Variants in SLC44A5 observed in about 807,000 individuals in gnomAD.
The protein encoded by SLC44A5 is choline transporter-like protein 5.
In SLC44A5, 57 loss-of-function variants were observed where a neutral mutation model predicts 101.8. That is an observed-to-expected ratio of 0.56 (90% CI 0.45 to 0.70). The LOEUF is 0.70. Ranked by LOEUF, SLC44A5 falls within the 30% of genes least tolerant of loss-of-function variation. The probability of loss-of-function intolerance (pLI) is 0.00; values close to 1 mark genes in which losing one functional copy is unlikely to be tolerated. For missense variants in SLC44A5, 737 were observed against 853.1 expected (o/e 0.86, Z 1.70); for synonymous variants, 281 against 290.9 (o/e 0.97, Z 0.35).
intron 6 of SLC44A5, among the ~76,000 whole-genome samples, chr1:75,273,941 G>A (rs1570538101): frequency 6.6e-6 from 1 of 152,122 alleles, no homozygotes; most frequent in East Asian, 1.9e-4. Context: ...AATAGTTTTA[G>A]TAGGATCGGT....
rs1167717257 is a variant in SLC44A5, at chr1:75,202,904, G to T, written c.*823C>A. The T allele has an allele frequency of 6.6e-6, 1 of 151,882 alleles. No homozygotes were observed. The highest frequency in any genetic ancestry group is 1.5e-5 in the Non-Finnish European group (1 of 67,952). The allele number at this position is 151,882 out of a possible 1,614,324, so 9.4% of individuals were successfully genotyped here. A position where few individuals can be genotyped will look rare whatever the true frequency, so the allele number is the denominator to read the frequency against. On this transcript the variant is annotated 3_prime_UTR_variant, in exon 24 of 24. Coordinates refer to ENST00000370859, the MANE Select transcript of SLC44A5 (RefSeq NM_001130058.2). ...TCCAACAAGTGTTCTTTCGGGGTTT[G>T]TTTCTTCTTGCGTGTAGTACACATT...
At chr1:75,383,706 C>T (rs1172018588) in intron 3 of SLC44A5, among the ~76,000 whole-genome samples, 7 of 152,166 alleles carry the variant, frequency 4.6e-5, no homozygotes, top group African/African-American at 1.2e-4. Context: ...ATACGGAGAA[C>T]GCCACAGAGA....
At chr1:75,251,629 GTTACTA>G (rs1447663027) in intron 6 of SLC44A5, among the ~76,000 whole-genome samples, 2 of 151,972 alleles carry the variant, frequency 1.3e-5, no homozygotes, top group Non-Finnish European at 2.9e-5. Flanking sequence ...TAGGAAGCAG[GTTACTA>G]AAGAGTATTA....
At chr1:75,423,620 A>G (rs1327029938) in intron 2 of SLC44A5, among the ~76,000 whole-genome samples, 1 of 152,252 alleles carries the variant, frequency 6.6e-6, no homozygotes, top group Non-Finnish European at 1.5e-5. Context: ...AATGTTTGCT[A>G]CGTTAATATG....
At chr1:75,208,159 T>C (rs1455948365) in intron 23 of SLC44A5, among the ~76,000 whole-genome samples, 4 of 152,092 alleles carry the variant, frequency 2.6e-5, no homozygotes, top group Admixed American at 2.0e-4. Context: ...AAATCTTCGG[T>C]TTTTTGTTTG....
At chr1:75,626,651 T>G in the SLC44A5 span, among the ~76,000 whole-genome samples, 1 of 152,162 alleles carries the variant, frequency 6.6e-6, no homozygotes, top group East Asian at 1.9e-4. Context: ...ATTGCTTCCC[T>G]GGGCTTATTT....
chr1:75,219,704 C>A, intron 15 of SLC44A5, 96 bp downstream of exon 15: 1 of 761,114 alleles, frequency 1.3e-6, no homozygotes, highest in South Asian at 1.7e-5. Context: ...GTACATTCCT[C>A]ATCTTCCCAG....
intron 1 of SLC44A5, among the ~76,000 whole-genome samples, chr1:75,548,539 G>T (rs756106675): frequency 6.6e-6 from 1 of 151,928 alleles, no homozygotes; most frequent in Non-Finnish European, 1.5e-5. Context: ...CCAAATATGC[G>T]GTTTTCCCAA....
At chr1:75,471,261 G>C (rs1042743355) in intron 2 of SLC44A5, among the ~76,000 whole-genome samples, 2 of 152,016 alleles carry the variant, frequency 1.3e-5, no homozygotes, top group Non-Finnish European at 2.9e-5. Context: ...CTGCCTTGAA[G>C]GGAATCCCCA....
chr1:75,641,676 A>C, the SLC44A5 span: 1 of 1,505,866 alleles, frequency 6.6e-7, no homozygotes, highest in South Asian at 1.1e-5. Context: ...AGAATACTAT[A>C]TACCTCTCTC....
At chr1:75,487,345 T>A (rs1432397000) in intron 2 of SLC44A5, among the ~76,000 whole-genome samples, 1 of 152,150 alleles carries the variant, frequency 6.6e-6, no homozygotes, top group Non-Finnish European at 1.5e-5. Flanking sequence ...AAACCTGATA[T>A]ATAAAATGAA....
At chr1:75,721,110 G>A in the SLC44A5 span, among the ~76,000 whole-genome samples, 1 of 152,180 alleles carries the variant, frequency 6.6e-6, no homozygotes, top group Non-Finnish European at 1.5e-5. Context: ...CTTAAGGTCT[G>A]TGTTGATGTT....
At chr1:75,483,715 A>G (rs1667999250) in intron 2 of SLC44A5, among the ~76,000 whole-genome samples, 1 of 152,244 alleles carries the variant, frequency 6.6e-6, no homozygotes, top group African/African-American at 2.4e-5. Flanking sequence ...GATCTCTAAG[A>G]AATTTTCTGT....
At chr1:75,599,477 A>G (rs928836052) in intron 1 of SLC44A5, among the ~76,000 whole-genome samples, 1 of 152,198 alleles carries the variant, frequency 6.6e-6, no homozygotes, top group African/African-American at 2.4e-5. Context: ...GTGCAGAAGT[A>G]GGGCTGAAGA....
chr1:75,681,188 G>A, the SLC44A5 span, among the ~76,000 whole-genome samples: 2 of 152,162 alleles, frequency 1.3e-5, no homozygotes, highest in East Asian at 3.9e-4. Context: ...GAGGTACAAG[G>A]AGGAACTGGT....
intron 2 of SLC44A5, among the ~76,000 whole-genome samples, chr1:75,534,777 T>C (rs185416127): frequency 6.6e-5 from 10 of 152,336 alleles, no homozygotes; most frequent in South Asian, 4.1e-4. Context: ...ATTTTAAGCA[T>C]AGCTTTAATT....
At chr1:75,384,481 G>C (rs1437947017) in intron 3 of SLC44A5, among the ~76,000 whole-genome samples, 1 of 124,718 alleles carries the variant, frequency 8.0e-6, no homozygotes, top group Admixed American at 8.8e-5. Context: ...TAATGGTAAA[G>C]GGATCAATTC....
the SLC44A5 span, among the ~76,000 whole-genome samples, chr1:75,632,188 T>C: frequency 6.6e-6 from 1 of 152,228 alleles, no homozygotes; most frequent in Non-Finnish European, 1.5e-5. Flanking sequence ...TTTGTTCATA[T>C]GATGCTTATG....
the SLC44A5 span, among the ~76,000 whole-genome samples, chr1:75,669,667 C>T: frequency 9.2e-5 from 14 of 152,104 alleles, no homozygotes; most frequent in Admixed American, 3.9e-4. Flanking sequence ...TTCTCCCTTA[C>T]GTTCTTCCCA....
Sources: gnomAD v4.1 joint callset for allele counts (sites outside exome capture counted in the v4.1 genomes callset) on GRCh38, gnomAD v4.1.1 for gene constraint, MANE v1.5 for transcripts, NCBI Gene and HGNC (gene_info 2026-07-23, HGNC 2026-07-21) for gene names.